Variants in LRP1B observed in about 807,000 individuals in gnomAD.
LRP1B encodes low-density lipoprotein receptor-related protein 1B.
LRP1B carries 217 observed loss-of-function variants against 556.6 expected under a neutral mutation model. That is an observed-to-expected ratio of 0.39 (90% CI 0.35 to 0.44). The LOEUF (loss-of-function observed/expected upper bound fraction) is 0.44. Among genes scored for constraint, LRP1B ranks in the 20% least tolerant of loss-of-function variants. The pLI is 1.00. For synonymous variants in LRP1B, 2,047 were observed against 1,865.8 expected (o/e 1.10, Z -2.50); for missense variants, 5,053 against 5,620.8 (o/e 0.90, Z 3.23).
chr2:140,439,327 T>C (rs1686325054), intron 66 of LRP1B, among the ~76,000 whole-genome samples: 1 of 152,208 alleles, frequency 6.6e-6, no homozygotes, highest in African/African-American at 2.4e-5. Flanking sequence ...CTCTACAGTC[T>C]AATATAACTG....
intron 3 of LRP1B, among the ~76,000 whole-genome samples, chr2:141,376,822 T>C (rs985111016): frequency 3.3e-5 from 5 of 152,162 alleles, no homozygotes; most frequent in African/African-American, 9.6e-5. Flanking sequence ...TATAAAAACA[T>C]TTAAAATCTT....
Position 140,867,695 on chromosome 2 carries a change from A to G in LRP1B, c.4474T>C (p.Leu1492=), listed in dbSNP as rs367802767. Residue 1492 remains leucine (L), a synonymous_variant, in exon 27 of 91, where the codon TTG becomes CTG. Coordinates refer to ENST00000389484, the MANE Select transcript of LRP1B (RefSeq NM_018557.3). ...CCTGTCCACTTATTGGCTTTGGACAATGTGTTGGTCCTCCAGTCTGTCCAG... is the reference window on the plus strand; with the variant it reads ...CCTGTCCACTTATTGGCTTTGGACAGTGTGTTGGTCCTCCAGTCTGTCCAG... ...VYWTDWRTNT[L]SKANKWTGQN... is the part of the protein sequence containing the mutation. 2 of 1,613,564 alleles carry G rather than the reference A, an allele frequency of 1.2e-6. No homozygotes were observed. Among genetic ancestry groups the G allele is most frequent in the South Asian group, 1.1e-5 (1 of 91,070 alleles).
intron 51 of LRP1B, among the ~76,000 whole-genome samples, chr2:140,511,101 A>T (rs190259155): frequency 4.7e-4 from 71 of 152,244 alleles, no homozygotes; most frequent in African/African-American, 1.6e-3. Flanking sequence ...TATCTCCAGG[A>T]AGAAAATATA....
chr2:141,966,688 A>G (rs993412867), intron 1 of LRP1B, among the ~76,000 whole-genome samples: 3 of 151,786 alleles, frequency 2.0e-5, no homozygotes, highest in Non-Finnish European at 2.9e-5. Context: ...TACCAATAAG[A>G]TTCTGAAAGA....
intron 7 of LRP1B, among the ~76,000 whole-genome samples, chr2:141,073,525 C>T (rs1410716467): frequency 2.0e-5 from 3 of 152,076 alleles, no homozygotes; most frequent in African/African-American, 4.8e-5. Context: ...TGAATGTTCC[C>T]ATGACTTTCA....
intron 20 of LRP1B, among the ~76,000 whole-genome samples, chr2:140,944,957 G>GA (rs1247900845): frequency 3.9e-5 from 6 of 152,056 alleles, no homozygotes; most frequent in Admixed American, 2.6e-4. Context: ...AATAGGAAAT[G>GA]AAACAGTCAA....
chr2:141,139,329 C>T (rs1380967905), intron 7 of LRP1B, among the ~76,000 whole-genome samples: 1 of 151,790 alleles, frequency 6.6e-6, no homozygotes, highest in African/African-American at 2.4e-5. Context: ...ACACCAACAT[C>T]ACAGTCTATA....
chr2:141,394,766 A>G (rs1257913820), intron 3 of LRP1B, among the ~76,000 whole-genome samples: 2 of 152,160 alleles, frequency 1.3e-5, no homozygotes, highest in East Asian at 1.9e-4. Context: ...TTTAAAACTT[A>G]GAAAACTGAA....
intron 1 of LRP1B, among the ~76,000 whole-genome samples, chr2:142,100,059 A>G (rs944944131): frequency 2.0e-4 from 31 of 152,066 alleles, no homozygotes; most frequent in African/African-American, 7.2e-4. Flanking sequence ...TGTTGCCACA[A>G]TGACTGTAAG....
chr2:141,778,680 G>A (rs1695151415), intron 2 of LRP1B, among the ~76,000 whole-genome samples: 1 of 152,120 alleles, frequency 6.6e-6, no homozygotes. Context: ...AAATGTAATG[G>A]GGCAGAAAAT....
chr2:141,755,220 A>G (rs1694273212), intron 2 of LRP1B, among the ~76,000 whole-genome samples: 1 of 152,128 alleles, frequency 6.6e-6, no homozygotes, highest in Non-Finnish European at 1.5e-5. Context: ...AATTGCTTTA[A>G]AAGGCAAATG....
intron 41 of LRP1B, among the ~76,000 whole-genome samples, chr2:140,631,484 G>A (rs992709128): frequency 7.2e-5 from 11 of 152,224 alleles, no homozygotes; most frequent in Admixed American, 6.5e-5. Flanking sequence ...TTAAAAGTAA[G>A]TGGTGGAAAT....
At chr2:140,908,401 G>A (rs951435550) in intron 21 of LRP1B, among the ~76,000 whole-genome samples, 1 of 144,784 alleles carries the variant, frequency 6.9e-6, no homozygotes, top group South Asian at 2.1e-4. Flanking sequence ...TAAAAAGAAG[G>A]TTTCTGTGAC....
At chr2:140,911,477 C>T (rs1694418061) in intron 21 of LRP1B, among the ~76,000 whole-genome samples, 1 of 151,810 alleles carries the variant, frequency 6.6e-6, no homozygotes, top group Non-Finnish European at 1.5e-5. Context: ...TATGTACACA[C>T]ATATGCAGTG....
chr2:141,592,407 A>G (rs1687373541), intron 2 of LRP1B, among the ~76,000 whole-genome samples: 1 of 152,164 alleles, frequency 6.6e-6, no homozygotes, highest in African/African-American at 2.4e-5. Context: ...CACATGGTAT[A>G]AGGGGTTAGC....
chr2:141,175,088 A>T (rs1375743440), intron 7 of LRP1B, among the ~76,000 whole-genome samples: 2 of 152,134 alleles, frequency 1.3e-5, no homozygotes, highest in East Asian at 1.9e-4. Flanking sequence ...GCAGCAAAGC[A>T]TTCAAGATGT....
chr2:140,703,407 A>G (rs1185377529), intron 37 of LRP1B, among the ~76,000 whole-genome samples: 1 of 152,122 alleles, frequency 6.6e-6, no homozygotes, highest in Admixed American at 6.6e-5. Flanking sequence ...CATTCAAAAA[A>G]TTCGATATTC....
At chr2:141,779,718 G>T (rs2105635866) in intron 2 of LRP1B, among the ~76,000 whole-genome samples, 1 of 151,926 alleles carries the variant, frequency 6.6e-6, no homozygotes, top group South Asian at 2.1e-4. Flanking sequence ...TACTGTTCTA[G>T]GTATTGTTTC....
chr2:141,838,109 T>C (rs1462904807), intron 1 of LRP1B, among the ~76,000 whole-genome samples: 1 of 152,120 alleles, frequency 6.6e-6, no homozygotes, highest in Non-Finnish European at 1.5e-5. Flanking sequence ...ATTTATTGGG[T>C]ACCTACTGTC....
Sources: gnomAD v4.1 joint callset for allele counts (sites outside exome capture counted in the v4.1 genomes callset) on GRCh38, gnomAD v4.1.1 for gene constraint, MANE v1.5 for transcripts, NCBI Gene and HGNC (gene_info 2026-07-23, HGNC 2026-07-21) for gene names.